NCKAP5: variants seen among roughly 807,000 people sequenced by gnomAD.
NCKAP5 encodes NCK associated protein 5.
A neutral mutation model predicts 167.0 loss-of-function variants in NCKAP5; 92 were observed. That is an observed-to-expected ratio of 0.55 (90% confidence interval 0.47 to 0.66). The LOEUF is 0.66. Among genes scored for constraint, NCKAP5 ranks in the 30% least tolerant of loss-of-function variants. The pLI is 0.00. For missense variants in NCKAP5, 2,378 were observed against 2,315.0 expected (o/e 1.03, Z -0.56); for synonymous variants, 891 against 877.4 (o/e 1.02, Z -0.27).
At chr2:133,214,162 A>C (rs189847002) in intron 4 of NCKAP5, among the ~76,000 whole-genome samples, 1 of 152,188 alleles carries the variant, frequency 6.6e-6, no homozygotes, top group African/African-American at 2.4e-5. Context: ...CACACCAATA[A>C]TATTAAGAAG....
intron 8 of NCKAP5, among the ~76,000 whole-genome samples, chr2:132,961,301 C>T (rs1422335097): frequency 7.6e-6 from 1 of 131,774 alleles, no homozygotes; most frequent in African/African-American, 3.3e-5. Context: ...ACATGTATGA[C>T]AAAATGACAT....
At chr2:133,129,251 C>G (rs1476694676) in intron 6 of NCKAP5, among the ~76,000 whole-genome samples, 1 of 152,014 alleles carries the variant, frequency 6.6e-6, no homozygotes, top group African/African-American at 2.4e-5. Flanking sequence ...CCCGCTCCCC[C>G]CACCCCACAA....
chr2:133,258,081 C>T (rs960215007), intron 4 of NCKAP5, among the ~76,000 whole-genome samples: 19 of 152,114 alleles, frequency 1.2e-4, no homozygotes, highest in East Asian at 1.9e-4. Flanking sequence ...AGCTGGGTTG[C>T]GTTTTAAGTG....
chr2:133,197,190 G>A (rs2085474592), intron 5 of NCKAP5, among the ~76,000 whole-genome samples: 1 of 152,198 alleles, frequency 6.6e-6, no homozygotes, highest in African/African-American at 2.4e-5. Context: ...ATACCATAAA[G>A]TCGTGCATGA....
At chr2:133,396,904 T>C (rs1207962489) in intron 3 of NCKAP5, among the ~76,000 whole-genome samples, 2 of 152,170 alleles carry the variant, frequency 1.3e-5, no homozygotes, top group Non-Finnish European at 2.9e-5. Flanking sequence ...TCAATTGAAA[T>C]TCAGCTCTGC....
rs532495050 is a variant in NCKAP5, at chr2:132,969,051, A to G, written c.430-5182T>C. ...ATATCACTGACTTATTTACTTATTTATTTTGAGATGGAGTCTCCCTCTGTT... is the reference window on the plus strand; with the variant it reads ...ATATCACTGACTTATTTACTTATTTGTTTTGAGATGGAGTCTCCCTCTGTT... On this transcript the variant is annotated intron_variant, in intron 7 of 19. Coordinates refer to ENST00000409261, the MANE Select transcript of NCKAP5 (RefSeq NM_207363.3). 2.0e-5 allele frequency among the ~76,000 whole-genome samples: 3 copies of G among 152,014 alleles called. No homozygotes were observed. In the East Asian group the frequency reaches 5.8e-4, roughly 29 times the overall value.
chr2:133,414,112 G>A (rs993784149), intron 3 of NCKAP5, among the ~76,000 whole-genome samples: 3 of 152,160 alleles, frequency 2.0e-5, no homozygotes, highest in Admixed American at 6.5e-5. Flanking sequence ...CATACTAAAT[G>A]TCACGCCACA....
At chr2:133,553,134 G>T (rs2104970738) in intron 2 of NCKAP5, among the ~76,000 whole-genome samples, 1 of 152,290 alleles carries the variant, frequency 6.6e-6, no homozygotes, top group East Asian at 1.9e-4. Context: ...AAAGTAAACG[G>T]GCAGGATATA....
At chr2:132,867,156 T>C (rs191760665) in intron 10 of NCKAP5, among the ~76,000 whole-genome samples, 117 of 152,210 alleles carry the variant, frequency 7.7e-4, no homozygotes, top group African/African-American at 2.6e-3. Flanking sequence ...AGGGTCCCGT[T>C]TTCCTTTTTA....
At chr2:133,327,784 T>C (rs954105865) in intron 3 of NCKAP5, among the ~76,000 whole-genome samples, 8 of 152,160 alleles carry the variant, frequency 5.3e-5, no homozygotes, top group Non-Finnish European at 2.9e-5. Context: ...CATTAATACC[T>C]GCAGGGCTCC....
intron 12 of NCKAP5, among the ~76,000 whole-genome samples, chr2:132,794,251 TATATATATATATAGAGAGAGAG>T (rs1382728727): frequency 1.2e-3 from 69 of 58,832 alleles, no homozygotes; most frequent in African/African-American, 4.3e-3. Context: ...TATATATATA[TATATATATATATAGAGAGAGAG>T]AGAGAGAGAG....
chr2:132,720,807 G>A (rs545859806), intron 19 of NCKAP5, among the ~76,000 whole-genome samples: 3 of 152,180 alleles, frequency 2.0e-5, no homozygotes, highest in East Asian at 3.9e-4. Context: ...TCACGAGTTC[G>A]AGACCAGCCT....
intron 14 of NCKAP5, 144 bp downstream of exon 14, chr2:132,781,796 A>T: frequency 1.5e-6 from 1 of 656,506 alleles, no homozygotes; most frequent in Non-Finnish European, 2.5e-6. Flanking sequence ...AATTCTGGCT[A>T]ATGTATAAAA....
chr2:132,915,209 T>G (rs1439612190), intron 8 of NCKAP5, among the ~76,000 whole-genome samples: 2 of 151,870 alleles, frequency 1.3e-5, no homozygotes, highest in Non-Finnish European at 2.9e-5. Context: ...CTTCCTGAGT[T>G]TATATCATGG....
rs371548160 is a variant in NCKAP5 at position 132,897,736 on chromosome 2, A to G, written c.580-18820T>C. Among the ~76,000 whole-genome samples, 13 of 152,352 alleles carry G rather than the reference A, an allele frequency of 8.5e-5. No individual in the cohort carries two copies. In the East Asian group the frequency reaches 1.5e-3, roughly 18 times the overall value. ...CAGTGCATGTAAAAGTTATGTTTAT[A>G]TTACACTACTACACTATAGTATATT... On this transcript the variant is annotated intron_variant, in intron 8 of 19. Transcript: ENST00000409261.
At chr2:132,862,819 ATTTT>A (rs1475318517) in intron 10 of NCKAP5, among the ~76,000 whole-genome samples, 6 of 150,500 alleles carry the variant, frequency 4.0e-5, no homozygotes, top group Non-Finnish European at 8.9e-5. Context: ...ATTTTTATTT[ATTTT>A]ATTTTATTTT....
At chr2:133,332,856 G>T (rs1682954988) in intron 3 of NCKAP5, among the ~76,000 whole-genome samples, 1 of 152,252 alleles carries the variant, frequency 6.6e-6, no homozygotes, top group Admixed American at 6.5e-5. Flanking sequence ...GAGACAGCAT[G>T]TCAATACCCA....
At chr2:133,673,435 C>A in the NCKAP5 span, among the ~76,000 whole-genome samples, 14 of 152,158 alleles carry the variant, frequency 9.2e-5, no homozygotes, top group East Asian at 9.6e-4. Flanking sequence ...GCATGGCACC[C>A]ATTTCATAAA....
chr2:133,125,984 T>C (rs1486399640), intron 6 of NCKAP5, among the ~76,000 whole-genome samples: 2 of 152,212 alleles, frequency 1.3e-5, no homozygotes, highest in African/African-American at 4.8e-5. Context: ...AGCATTTGTA[T>C]AGATTTTTAT....
Sources: allele counts gnomAD v4.1 joint callset (sites outside exome capture counted in the v4.1 genomes callset), GRCh38; gene constraint gnomAD v4.1.1; transcripts MANE v1.5; gene names NCBI Gene and HGNC (gene_info 2026-07-23, HGNC 2026-07-21).